QSOX2: variants seen among roughly 807,000 people sequenced by gnomAD.
QSOX2 encodes sulfhydryl oxidase 2.
A neutral mutation model predicts 61.7 loss-of-function variants in QSOX2; 46 were observed. That is an observed-to-expected ratio of 0.75 (90% CI 0.59 to 0.95). QSOX2 has a LOEUF of 0.95. QSOX2 is among the 40% of genes least tolerant of loss of function. QSOX2 has a pLI of 0.00. For missense variants in QSOX2, 879 were observed against 918.9 expected, an observed-to-expected ratio of 0.96 and a Z score of 0.56; for synonymous variants, 383 against 388.4, an observed-to-expected ratio of 0.99 and a Z score of 0.16.
chr9:136,239,149 C>A (rs1830414833), intron 1 of QSOX2, among the ~76,000 whole-genome samples: 7 of 152,182 alleles, frequency 4.6e-5, no homozygotes, highest in Admixed American at 4.6e-4. Flanking sequence ...TCTAATTGGT[C>A]TGTTCATTTT....
At chr9:136,225,723 G>T (rs965555626) in intron 2 of QSOX2, among the ~76,000 whole-genome samples, 5 of 152,256 alleles carry the variant, frequency 3.3e-5, no homozygotes, top group African/African-American at 7.2e-5. Flanking sequence ...CCAAAGCCTG[G>T]AAGAGCCCAC....
rs945440998 is a variant in QSOX2, at chr9:136,207,273, C to T, written c.*1455G>A. The T allele has an allele frequency of 1.3e-5, 2 of 152,228 alleles. No individual in the cohort carries two copies. Among genetic ancestry groups the T allele is most frequent in the East Asian group, 1.9e-4 (1 of 5,332 alleles). The allele number at this position is 152,228 out of a possible 1,614,324, so 9.4% of individuals were successfully genotyped here. On this transcript the variant is annotated 3_prime_UTR_variant, in exon 12 of 12. Transcript: ENST00000358701. ...CATGGTCTTATGAATACATCCATGTCATCAACTTGTTAGTAAACACATGAT... is the reference window on the plus strand; with the variant it reads ...CATGGTCTTATGAATACATCCATGTTATCAACTTGTTAGTAAACACATGAT...
chr9:136,224,188 GC>G, intron 3 of QSOX2, 76 bp from the exon 4 acceptor site: 1 of 1,172,580 alleles, frequency 8.5e-7, no homozygotes, highest in Middle Eastern at 2.3e-4. Context: ...AGGGACAGCA[GC>G]CCCGTCCCAG....
At chr9:136,241,901 G>A (rs114533842) in intron 1 of QSOX2, among the ~76,000 whole-genome samples, 3 of 152,214 alleles carry the variant, frequency 2.0e-5, no homozygotes, top group Non-Finnish European at 2.9e-5. Context: ...GAGGGCGCAC[G>A]GGGACACAGG....
Position 136,224,855 on chromosome 9 carries a change from C to G in QSOX2, c.478+6G>C. 6.3e-7 allele frequency: 1 copy of G among 1,579,882 alleles called. No individual in the cohort carries two copies. Among genetic ancestry groups the G allele is most frequent in the African/African-American group, 1.3e-5 (1 of 74,088 alleles). On this transcript the variant is annotated splice_donor_region_variant and intron_variant, in intron 3 of 11. Transcript: ENST00000358701. ...AGGGACTAAAATACAATGCTTATGT[C>G]CTTACCTTTAAAATTTTCTCCAGTT...
At chr9:136,224,754 A>C in intron 3 of QSOX2, 107 bp downstream of exon 3, 1 of 588,890 alleles carries the variant, frequency 1.7e-6, no homozygotes, top group Admixed American at 3.2e-5. Context: ...CAGCAGAGGG[A>C]AAGGTGCTGA....
rs572941682 is a variant in QSOX2, at chr9:136,221,888, G to A, written c.729C>T (p.Asp243=). ...YESIVVTRAL[D]GDKAFLEKLG... is the part of the protein sequence containing the mutation. Reference sequence around the variant, plus strand: ...GTTTCTCCAGAAATGCTTTGTCCCCGTCCAGTGCTCGGGTCACCACGATGC... The same window carrying A: ...GTTTCTCCAGAAATGCTTTGTCCCCATCCAGTGCTCGGGTCACCACGATGC... The change falls in exon 6 of 12, where the codon GAC becomes GAT. Residue 243 remains aspartate (D), a synonymous_variant. Coordinates refer to ENST00000358701, the MANE Select transcript of QSOX2 (RefSeq NM_181701.4). The surrounding 1 kb of genome is among the most constrained non-coding windows in gnomAD (Gnocchi z 4.5). 3.8e-5 allele frequency: 62 copies of A among 1,612,226 alleles called. No individual in the cohort carries two copies. The highest frequency in any genetic ancestry group is 3.8e-4 in the South Asian group (34 of 90,548).
chr9:136,227,804 G>A (rs1026410130), intron 1 of QSOX2, among the ~76,000 whole-genome samples: 2 of 151,950 alleles, frequency 1.3e-5, no homozygotes, highest in South Asian at 2.1e-4. Flanking sequence ...GTAAAACCCT[G>A]TCTCTAAAAA....
At position 136,221,869 on chromosome 9, in the gene QSOX2, C is replaced by T; in HGVS notation, c.748G>A (p.Glu250Lys). ...RALDGDKAFL[E>K]KLGVSSVPSC... ...GGGACTGAAGAAACACCAAGTTTCT[C>T]CAGAAATGCTTTGTCCCCGTCCAGT... Residue 250 changes from glutamate (E) to lysine (K), a missense_variant, in exon 6 of 12, where the codon GAG (glutamate) becomes AAG (lysine). By Grantham distance (56) the Glu-to-Lys change is moderately conservative (BLOSUM62 1). Transcript: ENST00000358701. The surrounding 1 kb of genome is among the most constrained non-coding windows in gnomAD (Gnocchi z 4.5). 6.2e-7 allele frequency: 1 copy of T among 1,612,754 alleles called. No individual in the cohort carries two copies.
chr9:136,215,347 A>G (rs1184123425), intron 9 of QSOX2, 43 bp from the exon 10 acceptor site: 2 of 1,463,014 alleles, frequency 1.4e-6, no homozygotes, highest in Non-Finnish European at 1.8e-6. Context: ...AATAAAAGAT[A>G]ATTGTTGAAA....
rs1041393267 is a variant in QSOX2, at chr9:136,210,234, G to A, written c.1550-959C>T. The A allele has an allele frequency of 5.1e-6, 5 of 985,344 alleles. No individual in the cohort carries two copies. The South Asian group carries it at 2.3e-4, about 46-fold the overall frequency. 61.0% of individuals were successfully genotyped at this position (985,344 alleles called of 1,614,324 possible). A position where few individuals can be genotyped will look rare whatever the true frequency, so the allele number is the denominator to read the frequency against. ...GCCAGCCCTGGGCAGAAGACCCCAG[G>A]CACATCTCCGAGGGGCCTCCCAGGA... On this transcript the variant is annotated intron_variant, in intron 11 of 11. Transcript: ENST00000358701.
rs368735255 is a variant in QSOX2, at chr9:136,216,601, C to T, written c.1208G>A (p.Arg403Gln). 1.2e-5 allele frequency: 20 copies of T among 1,613,636 alleles called. No homozygotes were observed. In the East Asian group the frequency reaches 3.3e-4, roughly 27 times the overall value. Residue 403 changes from arginine to glutamine, a missense_variant and splice_region_variant, in exon 9 of 12, where the codon CGG (arginine) becomes CAG (glutamine). Coordinates refer to ENST00000358701, the MANE Select transcript of QSOX2 (RefSeq NM_181701.4). ...AVLDLVNNKMRISGIFLTNHI... is the reference protein window; with the variant it reads ...AVLDLVNNKMQISGIFLTNHI... ...GCTGGCGAGGGTTCTGGGGCTCACC[C>T]GCATCTTGTTGTTGACCAGGTCAAG...
chr9:136,238,722 G>A (rs1830411372), intron 1 of QSOX2, among the ~76,000 whole-genome samples: 1 of 152,244 alleles, frequency 6.6e-6, no homozygotes, highest in Admixed American at 6.5e-5. Context: ...CTAGAAACCA[G>A]GTTTCCCTGC....
At chr9:136,234,192 G>A (rs1357514700) in intron 1 of QSOX2, among the ~76,000 whole-genome samples, 9 of 152,220 alleles carry the variant, frequency 5.9e-5, no homozygotes, top group South Asian at 2.1e-4. Flanking sequence ...TTTGTGCGAC[G>A]ATCTTCTCTA....
intron 1 of QSOX2, among the ~76,000 whole-genome samples, chr9:136,241,014 G>A (rs1010211778): frequency 3.9e-5 from 6 of 152,170 alleles, no homozygotes; most frequent in South Asian, 4.2e-4. Flanking sequence ...GTGGCTGTAA[G>A]GCCCTCTTAG....
rs1417796114 is a variant in QSOX2, at chr9:136,206,443, A to G, written c.*2285T>C. 1 of 152,638 alleles carries G rather than the reference A, an allele frequency of 6.6e-6. No homozygotes were observed. The highest frequency in any genetic ancestry group is 1.5e-5 in the Non-Finnish European group (1 of 68,044). The allele number at this position is 152,638 out of a possible 1,614,324, so 9.5% of individuals were successfully genotyped here. On this transcript the variant is annotated 3_prime_UTR_variant, in exon 12 of 12. Transcript: ENST00000358701. The stretch of plus-strand genomic sequence containing the variant: ...AAATTTCACTGACATTTCCATGTCA[A>G]TTAGCTTCTTTTTAATAAAAATCCT...
chr9:136,241,983 C>T (rs890927222), intron 1 of QSOX2, among the ~76,000 whole-genome samples: 6 of 152,226 alleles, frequency 3.9e-5, no homozygotes, highest in African/African-American at 1.2e-4. Context: ...ACCGGTCAGA[C>T]GGGCCAAAGT....
chr9:136,209,246 T>G lies in QSOX2; in HGVS notation c.1579A>C (p.Lys527Gln), dbSNP rs148837479. 1.9e-6 allele frequency: 3 copies of G among 1,613,256 alleles called. No homozygotes were observed. Among genetic ancestry groups the G allele is most frequent in the Non-Finnish European group, 2.5e-6 (3 of 1,179,522 alleles). The change falls in exon 12 of 12, where the codon AAG becomes CAG. Residue 527 changes from lysine to glutamine, a missense_variant. Lys to Gln is a moderately conservative substitution (Grantham distance 53). Transcript: ENST00000358701. The surrounding 1 kb of genome is among the most constrained non-coding windows in gnomAD (Gnocchi z 5.6). The part of the protein sequence containing the change: ...GHLSEDPRFP[K>Q]LQWPTPDLCP... ...AGGTCCGGAGTGGGCCACTGAAGCT[T>G]TGGAAACCGGGGATCCTCACTCAGA...
At chr9:136,233,736 G>A (rs1044794527) in intron 1 of QSOX2, among the ~76,000 whole-genome samples, 1 of 152,176 alleles carries the variant, frequency 6.6e-6, no homozygotes, top group Non-Finnish European at 1.5e-5. Context: ...AACAGAAGAC[G>A]ACGCTGTGGA....
Sources: allele counts gnomAD v4.1 joint callset (sites outside exome capture counted in the v4.1 genomes callset), GRCh38; gene constraint gnomAD v4.1.1; non-coding constraint Gnocchi (gnomAD v3.1); transcripts MANE v1.5; gene names NCBI Gene and HGNC (gene_info 2026-07-23, HGNC 2026-07-21).